Variants in UNC5D observed in about 807,000 individuals in gnomAD.
The protein encoded by UNC5D is unc-5 netrin receptor D.
In UNC5D, 39 loss-of-function variants were observed where a neutral mutation model predicts 105.4. The observed-to-expected ratio is 0.37, with a 90% CI of 0.29 to 0.48. The LOEUF is 0.48. UNC5D is among the 20% of genes least tolerant of loss of function. The probability of loss-of-function intolerance (pLI) is 0.98; values close to 1 mark genes in which losing one functional copy is unlikely to be tolerated. For synonymous variants in UNC5D, 452 were observed against 450.4 expected, an observed-to-expected ratio of 1.00 and a Z score of -0.04; for missense variants, 991 against 1,202.4, an observed-to-expected ratio of 0.82 and a Z score of 2.60.
chr8:35,279,944 C>G (rs190948941), intron 1 of UNC5D, among the ~76,000 whole-genome samples: 1 of 152,312 alleles, frequency 6.6e-6, no homozygotes, highest in East Asian at 1.9e-4. Flanking sequence ...ATCAATCATG[C>G]AGTTAAAGGT....
At chr8:35,521,175 C>G (rs1481909296) in intron 1 of UNC5D, among the ~76,000 whole-genome samples, 2 of 151,518 alleles carry the variant, frequency 1.3e-5, no homozygotes, top group East Asian at 3.9e-4. Context: ...CATTTTTTTT[C>G]TAAAAATGTA....
intron 1 of UNC5D, among the ~76,000 whole-genome samples, chr8:35,271,265 A>G (rs10216788): frequency 6.8e-6 from 1 of 146,258 alleles, no homozygotes; most frequent in Admixed American, 6.8e-5. Context: ...AGGTATACAT[A>G]TGTATACATA....
intron 1 of UNC5D, among the ~76,000 whole-genome samples, chr8:35,286,058 T>C (rs1421063685): frequency 2.6e-5 from 4 of 152,164 alleles, no homozygotes; most frequent in African/African-American, 7.2e-5. Flanking sequence ...ATGAAAAAGC[T>C]GTTTGGCAGT....
intron 1 of UNC5D, among the ~76,000 whole-genome samples, chr8:35,247,100 T>C (rs1383180666): frequency 6.6e-6 from 1 of 152,038 alleles, no homozygotes; most frequent in Non-Finnish European, 1.5e-5. Flanking sequence ...AGTGTTGTCC[T>C]TGCCTCTTCC....
At chr8:35,491,425 C>T (rs1811210089) in intron 1 of UNC5D, among the ~76,000 whole-genome samples, 1 of 152,118 alleles carries the variant, frequency 6.6e-6, no homozygotes, top group Non-Finnish European at 1.5e-5. Flanking sequence ...CTGGCTTACA[C>T]AAGAAATGCC....
chr8:35,405,593 C>A (rs1218976160), intron 1 of UNC5D, among the ~76,000 whole-genome samples: 3 of 152,044 alleles, frequency 2.0e-5, no homozygotes, highest in African/African-American at 7.2e-5. Context: ...TTCTCTCCAC[C>A]TTTTTGTTTC....
At chr8:35,482,556 G>A (rs1329187469) in intron 1 of UNC5D, among the ~76,000 whole-genome samples, 3 of 151,932 alleles carry the variant, frequency 2.0e-5, no homozygotes. Context: ...CTCTTATATG[G>A]ATCTGTGAAT....
At chr8:35,505,103 A>G (rs1456610485) in intron 1 of UNC5D, among the ~76,000 whole-genome samples, 1 of 152,250 alleles carries the variant, frequency 6.6e-6, no homozygotes, top group African/African-American at 2.4e-5. Flanking sequence ...TGTGATTATT[A>G]TACATCACAT....
chr8:35,633,167 A>G (rs1822147972), intron 4 of UNC5D, among the ~76,000 whole-genome samples: 1 of 152,222 alleles, frequency 6.6e-6, no homozygotes, highest in African/African-American at 2.4e-5. Context: ...GGGCTCCTTG[A>G]CATCCTGTGC....
At chr8:35,468,510 G>GC (rs1291297333) in intron 1 of UNC5D, among the ~76,000 whole-genome samples, 20 of 152,290 alleles carry the variant, frequency 1.3e-4, no homozygotes, top group Admixed American at 9.8e-4. Context: ...AATATTCAGT[G>GC]CCTAGCTATC....
intron 4 of UNC5D, among the ~76,000 whole-genome samples, chr8:35,680,909 A>G (rs1444413585): frequency 6.6e-6 from 1 of 152,246 alleles, no homozygotes; most frequent in Non-Finnish European, 1.5e-5. Context: ...GATGCTACAA[A>G]TAGCAAGTGT....
At chr8:35,403,283 A>G (rs1804588476) in intron 1 of UNC5D, among the ~76,000 whole-genome samples, 1 of 152,208 alleles carries the variant, frequency 6.6e-6, no homozygotes, top group Non-Finnish European at 1.5e-5. Flanking sequence ...GCTGTGTGTT[A>G]ACACCTTTGT....
intron 13 of UNC5D, among the ~76,000 whole-genome samples, chr8:35,752,472 C>T (rs562754473): frequency 2.2e-3 from 339 of 152,252 alleles, no homozygotes; most frequent in Middle Eastern, 0.01. Context: ...GTTCCTGAAC[C>T]GCCCCTGAGT....
Position 35,565,946 on chromosome 8 carries a change from C to A in UNC5D, c.323-2152C>A, listed in dbSNP as rs78191222. On this transcript the variant is annotated intron_variant, in intron 2 of 16. Coordinates refer to ENST00000404895, the MANE Select transcript of UNC5D (RefSeq NM_080872.4). The stretch of plus-strand genomic sequence containing the variant: ...GCCTGCCAACTCTGCCTTCTCCTGG[C>A]CTTTGTCTGCCCATTCATATTTCTT... Among the ~76,000 whole-genome samples, 794 of 152,276 alleles carry A rather than the reference C, an allele frequency of 5.2e-3. 8 individuals carry two copies. Among genetic ancestry groups the A allele is most frequent in the African/African-American group, 0.017 (722 of 41,536 alleles).
At chr8:35,443,569 G>C (rs1399509601) in intron 1 of UNC5D, among the ~76,000 whole-genome samples, 5 of 151,860 alleles carry the variant, frequency 3.3e-5, no homozygotes, top group African/African-American at 1.2e-4. Flanking sequence ...AGATCTCAAT[G>C]GGAATCTGCG....
chr8:35,696,350 T>C (rs1341437039), intron 7 of UNC5D, among the ~76,000 whole-genome samples: 2 of 151,292 alleles, frequency 1.3e-5, no homozygotes, highest in African/African-American at 4.9e-5. Context: ...AGTCAGGATG[T>C]TTCCAAAGTT....
chr8:35,257,613 G>T (rs1333022913), intron 1 of UNC5D, among the ~76,000 whole-genome samples: 1 of 152,168 alleles, frequency 6.6e-6, no homozygotes, highest in East Asian at 1.9e-4. Context: ...ATATACAAAC[G>T]AATAATAGTT....
At chr8:35,543,216 A>G (rs1046244213) in intron 1 of UNC5D, among the ~76,000 whole-genome samples, 4 of 151,816 alleles carry the variant, frequency 2.6e-5, no homozygotes, top group Non-Finnish European at 4.4e-5. Flanking sequence ...AGAAAAGCAT[A>G]CTTTGGAGAC....
chr8:35,390,016 A>G (rs1224793319), intron 1 of UNC5D, among the ~76,000 whole-genome samples: 1 of 152,220 alleles, frequency 6.6e-6, no homozygotes, highest in South Asian at 2.1e-4. Context: ...TTGGTTCTGC[A>G]TGGTGTACAG....
Sources: allele counts gnomAD v4.1 joint callset (sites outside exome capture counted in the v4.1 genomes callset), GRCh38; gene constraint gnomAD v4.1.1; transcripts MANE v1.5; gene names NCBI Gene and HGNC (gene_info 2026-07-23, HGNC 2026-07-21).